Variants in TNFRSF25 observed in about 807,000 individuals in gnomAD.
TNFRSF25 encodes the protein TNF receptor superfamily member 25.
TNFRSF25 carries 28 observed loss-of-function variants against 49.4 expected under a neutral mutation model. The ratio of observed to expected loss-of-function variants is 0.57; its 90% CI spans 0.42 to 0.78. The LOEUF is 0.78. TNFRSF25 is among the 30% of genes least tolerant of loss of function. TNFRSF25 has a pLI of 0.00. For missense variants in TNFRSF25, 531 were observed against 581.6 expected, an observed-to-expected ratio of 0.91 and a Z score of 0.90; for synonymous variants, 240 against 234.2, an observed-to-expected ratio of 1.02 and a Z score of -0.23.
intron 3 of TNFRSF25, 21 bp from the exon 4 acceptor site, chr1:6,464,740 TG>T (rs1644290365): frequency 6.2e-7 from 1 of 1,609,326 alleles, no homozygotes; most frequent in Non-Finnish European, 8.5e-7. Context: ...TGCAGGGAGA[TG>T]GGGAGTGGAG....
Position 6,462,800 on chromosome 1 carries a change from A to T in TNFRSF25, c.706+63T>A. The T allele has an allele frequency of 1.3e-6, 2 of 1,567,530 alleles. No homozygotes were observed. Among genetic ancestry groups the T allele is most frequent in the Non-Finnish European group, 1.7e-6 (2 of 1,154,616 alleles). ...TTCCCCTTCTGTATCAGGGTTGAGT[A>T]GACTCTGGGCTACCCATCCTGACCC... On this transcript the variant is annotated intron_variant, in intron 7 of 9. Coordinates refer to ENST00000356876, the MANE Select transcript of TNFRSF25 (RefSeq NM_003790.3). The surrounding 1 kb of genome is among the most constrained non-coding windows in gnomAD (Gnocchi z 4.2).
intron 5 of TNFRSF25, chr1:6,463,392 C>T (rs1166624964): frequency 1.0e-5 from 6 of 575,268 alleles, no homozygotes; most frequent in South Asian, 2.1e-5. Flanking sequence ...GCATCCCCAG[C>T]ACCTAGAACA....
chr1:6,464,643 C>G lies in TNFRSF25; in HGVS notation c.372G>C (p.Glu124Asp), dbSNP rs45497599. Residue 124 changes from glutamate (E) to aspartate (D), a missense_variant, in exon 4 of 10, where the codon GAG becomes GAC. Glu to Asp is a conservative substitution (Grantham distance 45). Transcript: ENST00000356876. ...RCGCKPGWFV[E>D]CQVSQCVSSS... is the part of the protein sequence containing the mutation. ...TGCTGACACATTGGCTGACCTGGCA[C>G]TCCACAAACCAGCCTGGCTTACAGC... The G allele has an allele frequency of 6.2e-7, 1 of 1,614,052 alleles. No individual in the cohort carries two copies. The highest frequency in any genetic ancestry group is 2.2e-5 in the East Asian group (1 of 44,874).
In TNFRSF25 at chr1:6,465,571, G is replaced by A. The variant is rs762719331; in HGVS notation, c.40-11C>T. The A allele has an allele frequency of 1.6e-5, 25 of 1,610,758 alleles. No individual in the cohort carries two copies. The highest frequency in any genetic ancestry group is 1.8e-5 in the Non-Finnish European group (21 of 1,178,762). ...CACCAGGAGGAGCGCCTGGGGGACA[G>A]GTGCTGCTGACTCTCAGCGCAGCTG... On this transcript the variant is annotated splice_polypyrimidine_tract_variant and intron_variant, in intron 1 of 9. Transcript: ENST00000356876.
Position 6,460,794 on chromosome 1 carries a change from C to T in TNFRSF25, c.*640G>A. 1 of 204,692 alleles carries T rather than the reference C, an allele frequency of 4.9e-6. No individual in the cohort carries two copies. The highest frequency in any genetic ancestry group is 1.0e-5 in the Non-Finnish European group (1 of 99,842). 12.7% of individuals were successfully genotyped at this position (204,692 alleles called of 1,614,324 possible). On this transcript the variant is annotated 3_prime_UTR_variant, in exon 10 of 10. Transcript: ENST00000356876. Reference sequence around the variant, plus strand: ...CGCCCCGTCCCCAGCCAGACCCACTCGCTGCCGGGACCCTTTCACTGCCCC... The same window carrying T: ...CGCCCCGTCCCCAGCCAGACCCACTTGCTGCCGGGACCCTTTCACTGCCCC...
Position 6,463,144 on chromosome 1 carries a change from T to C in TNFRSF25, c.543-17A>G. ...AGGGTGCTCCTGCAAGGGACGGGGG[T>C]GGCCTGAGGGATGAGGGGGTGCATG... On this transcript the variant is annotated splice_polypyrimidine_tract_variant and intron_variant, in intron 5 of 9. Transcript: ENST00000356876. The C allele has an allele frequency of 6.5e-7, 1 of 1,550,294 alleles. No individual in the cohort carries two copies.
In TNFRSF25 at chr1:6,466,092, G is replaced by A. The variant is rs771523213; in HGVS notation, c.16C>T (p.Arg6Trp). Residue 6 changes from arginine to tryptophan, a missense_variant, in exon 1 of 10, where the codon CGG becomes TGG. Physicochemically the swap from Arg to Trp is moderately radical, Grantham distance 101. Coordinates refer to ENST00000356876, the MANE Select transcript of TNFRSF25 (RefSeq NM_003790.3). ...ACCGCCGCCACCGCCGCGCAGCCCC[G>A]CGGCCGCTGCTCCATAGCCCTCCGA... MEQRP[R>W]GCAAVAAALL... 10 of 1,574,094 alleles carry A rather than the reference G, an allele frequency of 6.4e-6. No individual in the cohort carries two copies. The African/African-American group carries it at 7.0e-5, about 11-fold the overall frequency.
intron 5 of TNFRSF25, chr1:6,464,048 T>C (rs1569793103): frequency 8.8e-7 from 1 of 1,142,450 alleles, no homozygotes; most frequent in East Asian, 5.6e-5. Flanking sequence ...CACTGCAGCC[T>C]CAACCTCCTT....
At chr1:6,465,988 A>G in intron 1 of TNFRSF25, 81 bp downstream of exon 1, 1 of 1,511,330 alleles carries the variant, frequency 6.6e-7, no homozygotes, top group African/African-American at 1.4e-5. Flanking sequence ...TGGAGTGGAG[A>G]CGCGCCCGGG....
rs768584952 is a variant in TNFRSF25, at chr1:6,461,962, G to A, written c.925+32C>T. On this transcript the variant is annotated intron_variant, in intron 9 of 9. Transcript: ENST00000356876. The surrounding 1 kb of genome is among the most constrained non-coding windows in gnomAD (Gnocchi z 6.3). Reference sequence around the variant, plus strand: ...CTTCCCACCGCAGACAGGAGAATGGGGTCAAGGCCTCAGGCCACTGATGTC... The same window carrying A: ...CTTCCCACCGCAGACAGGAGAATGGAGTCAAGGCCTCAGGCCACTGATGTC... The A allele has an allele frequency of 1.3e-6, 2 of 1,575,332 alleles. No individual in the cohort carries two copies. The highest frequency in any genetic ancestry group is 1.9e-5 in the Admixed American group (1 of 52,770).
At position 6,462,295 on chromosome 1, in the gene TNFRSF25, T is replaced by C; in HGVS notation, c.745-121A>G. 3.0e-6 allele frequency: 4 copies of C among 1,336,560 alleles called. No homozygotes were observed. In the South Asian group the frequency reaches 4.4e-5, roughly 15 times the overall value. The allele number at this position is 1,336,560 out of a possible 1,614,324, so 82.8% of individuals were successfully genotyped here. A position where few individuals can be genotyped will look rare whatever the true frequency, so the allele number is the denominator to read the frequency against. Reference sequence around the variant, plus strand: ...CAGCAGACACCCCCGCAATGACACCTCCCACAGTTGGCCCTGCTCTCACTG... The same window carrying C: ...CAGCAGACACCCCCGCAATGACACCCCCCACAGTTGGCCCTGCTCTCACTG... On this transcript the variant is annotated intron_variant, in intron 8 of 9. Coordinates refer to ENST00000356876, the MANE Select transcript of TNFRSF25 (RefSeq NM_003790.3). This position sits in a 1 kb window ranked among gnomAD's most constrained non-coding sequence, Gnocchi z 4.2.
At chr1:6,466,044 C>G in intron 1 of TNFRSF25, 25 bp downstream of exon 1, 2 of 1,578,924 alleles carry the variant, frequency 1.3e-6, no homozygotes, top group South Asian at 1.1e-5. Flanking sequence ...CAAAGCTGCC[C>G]CTAGCCTCCT....
In TNFRSF25 at chr1:6,464,983, G is replaced by A. The variant is rs1644300764; in HGVS notation, c.295+105C>T. The A allele has an allele frequency of 2.0e-6, 3 of 1,484,686 alleles. No homozygotes were observed. The African/African-American group carries it at 4.2e-5, about 21-fold the overall frequency. 92.0% of individuals were successfully genotyped at this position (1,484,686 alleles called of 1,614,324 possible). A position where few individuals can be genotyped will look rare whatever the true frequency, so the allele number is the denominator to read the frequency against. On this transcript the variant is annotated intron_variant, in intron 3 of 9. Transcript: ENST00000356876. The stretch of plus-strand genomic sequence containing the variant: ...ATCAGGGTGGAGGGTTCTGGCAAGG[G>A]TGGGTGCAGGACCCTCACACCCCAA...
chr1:6,463,327 T>C (rs1270767892), intron 5 of TNFRSF25, 200 bp from the exon 6 acceptor site: 1 of 616,328 alleles, frequency 1.6e-6, no homozygotes, highest in Non-Finnish European at 2.8e-6. Context: ...ACATGAAGAG[T>C]CACTAGAATG....
chr1:6,464,309 C>G (rs955340424), intron 5 of TNFRSF25, 66 bp downstream of exon 5: 1 of 1,555,992 alleles, frequency 6.4e-7, no homozygotes, highest in East Asian at 2.4e-5. Context: ...CAGCACCTGC[C>G]CCACCCCAGG....
At chr1:6,464,753 G>C (rs989173215) in intron 3 of TNFRSF25, 34 bp from the exon 4 acceptor site, 13 of 1,605,188 alleles carry the variant, frequency 8.1e-6, no homozygotes, top group Admixed American at 5.0e-5. Flanking sequence ...GGAGTGGAGA[G>C]TTAGTCAGGG....
At chr1:6,465,903 C>A in intron 1 of TNFRSF25, 166 bp downstream of exon 1, 1 of 1,426,152 alleles carries the variant, frequency 7.0e-7, no homozygotes, top group Non-Finnish European at 9.2e-7. Flanking sequence ...GGTTTCCTCT[C>A]AGTGGAAGGG....
chr1:6,461,151 TTTTTG>T lies in TNFRSF25; in HGVS notation c.*278_*282del, dbSNP rs201625425. 54 of 639,128 alleles carry T rather than the reference TTTTTG, an allele frequency of 8.4e-5. No homozygotes were observed. The highest frequency in any genetic ancestry group is 6.7e-4 in the East Asian group (20 of 29,808). The allele number at this position is 639,128 out of a possible 1,614,324, so 39.6% of individuals were successfully genotyped here. On this transcript the variant is annotated 3_prime_UTR_variant, in exon 10 of 10. Transcript: ENST00000356876. This position sits in a 1 kb window ranked among gnomAD's most constrained non-coding sequence, Gnocchi z 6.3. ...GCCCCGCAGAAACGCCAAGAAGCCGTTTTTGTTTTGTTTTGTTTTCTTTCACAGAT... is the reference window on the plus strand; with the variant it reads ...GCCCCGCAGAAACGCCAAGAAGCCGTTTTTGTTTTGTTTTCTTTCACAGAT...
chr1:6,462,447 C>G lies in TNFRSF25; in HGVS notation c.744+182G>C. Reference sequence around the variant, plus strand: ...TCCTGTGTACGAATCTGAACTCCAGCTGACTGAGCACCCCTTGAGGGCAGG... The same window carrying G: ...TCCTGTGTACGAATCTGAACTCCAGGTGACTGAGCACCCCTTGAGGGCAGG... On this transcript the variant is annotated intron_variant, in intron 8 of 9. Coordinates refer to ENST00000356876, the MANE Select transcript of TNFRSF25 (RefSeq NM_003790.3). The surrounding 1 kb of genome is among the most constrained non-coding windows in gnomAD (Gnocchi z 4.2). 1 of 1,419,454 alleles carries G rather than the reference C, an allele frequency of 7.0e-7. No homozygotes were observed. The highest frequency in any genetic ancestry group is 9.3e-7 in the Non-Finnish European group (1 of 1,072,004). The allele number at this position is 1,419,454 out of a possible 1,614,324, so 87.9% of individuals were successfully genotyped here.
Sources: allele counts gnomAD v4.1 joint callset, GRCh38; gene constraint gnomAD v4.1.1; non-coding constraint Gnocchi (gnomAD v3.1); transcripts MANE v1.5; gene names NCBI Gene and HGNC (gene_info 2026-07-23, HGNC 2026-07-21).